Variants in RNF20 observed in about 807,000 individuals in gnomAD.
The protein encoded by RNF20 is E3 ubiquitin-protein ligase BRE1A.
RNF20 carries 84 observed loss-of-function variants against 126.2 expected under a neutral mutation model. That is an observed-to-expected ratio of 0.67 (90% confidence interval 0.56 to 0.80). The LOEUF (loss-of-function observed/expected upper bound fraction) is 0.80. Among genes scored for constraint, RNF20 ranks in the 30% least tolerant of loss-of-function variants. The probability of loss-of-function intolerance (pLI) is 0.00; values close to 1 mark genes in which losing one functional copy is unlikely to be tolerated. For synonymous variants in RNF20, 400 were observed against 414.3 expected (o/e 0.97, Z 0.42); for missense variants, 869 against 1,188.2 (o/e 0.73, Z 3.95).
intron 15 of RNF20, among the ~76,000 whole-genome samples, chr9:101,557,153 A>C (rs898276212): frequency 1.3e-5 from 2 of 152,206 alleles, no homozygotes; most frequent in Non-Finnish European, 2.9e-5. Flanking sequence ...TTATTGTCTA[A>C]TTTAACTGAC....
chr9:101,549,665 A>G (rs1219944337), intron 9 of RNF20, among the ~76,000 whole-genome samples: 5 of 152,108 alleles, frequency 3.3e-5, no homozygotes, highest in Admixed American at 3.3e-4. Context: ...TCCACCTGGT[A>G]ACGGGCGTCT....
At position 101,535,393 on chromosome 9, in the gene RNF20, A is replaced by C. The variant is rs368365119; in HGVS notation, c.-26-5A>C. On this transcript the variant is annotated splice_polypyrimidine_tract_variant and splice_region_variant and intron_variant, in intron 1 of 19. Coordinates refer to ENST00000389120, the MANE Select transcript of RNF20 (RefSeq NM_019592.7). Reference sequence around the variant, plus strand: ...TATGTCAGTTTCTGCCTTTTTTTCTATCAGGAAAACGACTGTCTTCTTCTG... The same window carrying C: ...TATGTCAGTTTCTGCCTTTTTTTCTCTCAGGAAAACGACTGTCTTCTTCTG... 2 of 1,598,686 alleles carry C rather than the reference A, an allele frequency of 1.3e-6. No individual in the cohort carries two copies. Among genetic ancestry groups the C allele is most frequent in the African/African-American group, 2.7e-5 (2 of 73,452 alleles).
intron 15 of RNF20, among the ~76,000 whole-genome samples, chr9:101,556,150 A>G (rs1290944751): frequency 1.3e-5 from 2 of 152,168 alleles, no homozygotes; most frequent in African/African-American, 4.8e-5. Context: ...AAGTTTATGT[A>G]TTAATATAAT....
At chr9:101,550,905 AG>A in intron 10 of RNF20, 120 bp downstream of exon 10, 1 of 915,318 alleles carries the variant, frequency 1.1e-6, no homozygotes. Flanking sequence ...GAGTGGCAGT[AG>A]GTCTTTACTC....
chr9:101,543,608 G>A (rs1420691784), intron 5 of RNF20, among the ~76,000 whole-genome samples: 1 of 151,710 alleles, frequency 6.6e-6, no homozygotes, highest in African/African-American at 2.4e-5. Context: ...CCCTGCCAGG[G>A]CGGCACTGTC....
At chr9:101,555,024 T>G (rs189615926) in intron 15 of RNF20, among the ~76,000 whole-genome samples, 181 bp downstream of exon 15, 27 of 152,294 alleles carry the variant, frequency 1.8e-4, no homozygotes, top group South Asian at 1.7e-3. Context: ...TTATTTTGTT[T>G]TGTGTATTTG....
intron 9 of RNF20, 80 bp downstream of exon 9, chr9:101,547,598 G>T: frequency 6.7e-7 from 1 of 1,485,292 alleles, no homozygotes; most frequent in East Asian, 2.3e-5. Context: ...GTGAATCTGC[G>T]TATTCATGAG....
intron 13 of RNF20, 149 bp downstream of exon 13, chr9:101,552,902 C>A (rs1827473292): frequency 2.5e-6 from 2 of 807,710 alleles, no homozygotes; most frequent in Non-Finnish European, 3.8e-6. Flanking sequence ...TGTTCAAGTG[C>A]ACAGCCAAAA....
intron 8 of RNF20, 68 bp from the exon 9 acceptor site, chr9:101,547,331 A>G (rs1437079643): frequency 6.2e-7 from 1 of 1,607,934 alleles, no homozygotes; most frequent in African/African-American, 1.3e-5. Flanking sequence ...GAATCAGTGA[A>G]GAAAGGAAGC....
rs1164799781 is a variant in RNF20 at position 101,547,453 on chromosome 9, C to T, written c.1027C>T (p.Leu343Phe). Residue 343 changes from leucine to phenylalanine, a missense_variant, in exon 9 of 20, where the codon CTC (leucine) becomes TTC (phenylalanine). By Grantham distance (22) the Leu-to-Phe change is conservative (BLOSUM62 0). Around this residue, in one of 8 missense-constraint regions of RNF20, gnomAD observed 153 missense variants for 226.4 expected, o/e 0.68. Coordinates refer to ENST00000389120, the MANE Select transcript of RNF20 (RefSeq NM_019592.7). ...EENKELAQNR[L>F]CELEKLRQDF... The stretch of plus-strand genomic sequence containing the variant: ...GAACAAAGAGTTGGCTCAGAACCGT[C>T]TCTGTGAGCTGGAGAAACTTCGGCA... 3.7e-6 allele frequency: 6 copies of T among 1,614,040 alleles called. No individual in the cohort carries two copies. In the East Asian group the frequency reaches 1.3e-4, roughly 36 times the overall value.
At position 101,546,877 on chromosome 9, in the gene RNF20, T is replaced by G; in HGVS notation, c.805T>G (p.Ser269Ala). The change falls in exon 7 of 20, where the codon TCC becomes GCC. Residue 269 changes from serine to alanine, a missense_variant. Physicochemically the swap from Ser to Ala is moderately conservative, Grantham distance 99 (BLOSUM62 1). This residue lies in a region of RNF20 where 103 missense variants were observed against 94.3 expected (regional missense o/e 1.09). Coordinates refer to ENST00000389120, the MANE Select transcript of RNF20 (RefSeq NM_019592.7). ...CGAATCACGAGTGTCTGTCCTGGAGTCCATGATTGATGACCTGCAGTGGGA... is the reference window on the plus strand; with the variant it reads ...CGAATCACGAGTGTCTGTCCTGGAGGCCATGATTGATGACCTGCAGTGGGA... ...TAESRVSVLE[S>A]MIDDLQWDID... is the part of the protein sequence containing the mutation. 6.2e-7 allele frequency: 1 copy of G among 1,614,068 alleles called. No individual in the cohort carries two copies. Among genetic ancestry groups the G allele is most frequent in the Non-Finnish European group, 8.5e-7 (1 of 1,179,988 alleles).
At chr9:101,537,885 C>T (rs1247765673) in intron 2 of RNF20, among the ~76,000 whole-genome samples, 1 of 151,934 alleles carries the variant, frequency 6.6e-6, no homozygotes, top group African/African-American at 2.4e-5. Context: ...GGGATGGCAC[C>T]CTGTTTTCAG....
intron 18 of RNF20, 117 bp downstream of exon 18, chr9:101,561,347 G>A: frequency 9.2e-7 from 1 of 1,084,652 alleles, no homozygotes; most frequent in Non-Finnish European, 1.3e-6. Context: ...ACTTGAGGAA[G>A]TTTGTTGAGG....
At chr9:101,541,673 ATTAG>A (rs758216642) in intron 5 of RNF20, among the ~76,000 whole-genome samples, 3 of 152,182 alleles carry the variant, frequency 2.0e-5, no homozygotes, top group Non-Finnish European at 2.9e-5. Context: ...TTATTTAATT[ATTAG>A]TTACAGAATT....
At chr9:101,548,039 G>T (rs1362902668) in intron 9 of RNF20, among the ~76,000 whole-genome samples, 1 of 151,914 alleles carries the variant, frequency 6.6e-6, no homozygotes, top group African/African-American at 2.4e-5. Context: ...CTATAAAAAA[G>T]AAATTAAGAA....
chr9:101,546,064 C>T (rs1827342436), intron 6 of RNF20, among the ~76,000 whole-genome samples: 1 of 152,142 alleles, frequency 6.6e-6, no homozygotes, highest in Admixed American at 6.5e-5. Flanking sequence ...CTGATATAGC[C>T]TCAAAATTGT....
chr9:101,535,490 G>A lies in RNF20; in HGVS notation c.67G>A (p.Ala23Thr), dbSNP rs1588214891. 1 of 1,613,990 alleles carries A rather than the reference G, an allele frequency of 6.2e-7. No homozygotes were observed. The highest frequency in any genetic ancestry group is 2.2e-5 in the East Asian group (1 of 44,870). ...CACCTCCATGCCTCCTGAGAAGAAGGCAGCTGTTGAAGATTCAGGGACCAC... is the reference window on the plus strand; with the variant it reads ...CACCTCCATGCCTCCTGAGAAGAAGACAGCTGTTGAAGATTCAGGGACCAC... ...PGTSMPPEKK[A>T]AVEDSGTTVE... is the part of the protein sequence containing the mutation. The change falls in exon 2 of 20, where the codon GCA becomes ACA. Residue 23 changes from alanine to threonine, a missense_variant. Physicochemically the swap from Ala to Thr is moderately conservative, Grantham distance 58. Transcript: ENST00000389120.
intron 15 of RNF20, among the ~76,000 whole-genome samples, chr9:101,556,591 A>T (rs894966817): frequency 6.6e-6 from 1 of 152,172 alleles, no homozygotes; most frequent in Non-Finnish European, 1.5e-5. Flanking sequence ...AAGCTAGAAG[A>T]AAACCATTAA....
rs1827370309 is a variant in RNF20, at chr9:101,547,470, A to G, written c.1044A>G (p.Lys348=). The G allele has an allele frequency of 1.9e-6, 3 of 1,614,200 alleles. No homozygotes were observed. Among genetic ancestry groups the G allele is most frequent in the Non-Finnish European group, 2.5e-6 (3 of 1,180,012 alleles). The change falls in exon 9 of 20, where the codon AAA becomes AAG. Residue 348 remains lysine (K), a synonymous_variant. Coordinates refer to ENST00000389120, the MANE Select transcript of RNF20 (RefSeq NM_019592.7). The stretch of plus-strand genomic sequence containing the variant: ...AGAACCGTCTCTGTGAGCTGGAGAA[A>G]CTTCGGCAAGACTTTGAGGAGGTCA... ...LAQNRLCELE[K]LRQDFEEVTT...
Sources: gnomAD v4.1 joint callset for allele counts (sites outside exome capture counted in the v4.1 genomes callset) on GRCh38, gnomAD v4.1.1 for gene constraint, gnomAD v4.1.1 regional missense constraint, MANE v1.5 for transcripts, NCBI Gene and HGNC (gene_info 2026-07-23, HGNC 2026-07-21) for gene names.